The following NKAIN3 variants were observed in gnomAD, a reference collection of about 807,000 sequenced individuals.
The protein encoded by NKAIN3 is sodium/potassium transporting ATPase interacting 3, also known as sodium/potassium-transporting ATPase subunit beta-1-interacting protein 3.
In NKAIN3, 25 loss-of-function variants were observed where a neutral mutation model predicts 30.2. That is an observed-to-expected ratio of 0.83 (90% confidence interval 0.60 to 1.16). The LOEUF (loss-of-function observed/expected upper bound fraction) is 1.16, where lower values mean the gene tolerates loss of function less well. Ranked by LOEUF, NKAIN3 falls within the 50% of genes most tolerant of loss-of-function variation. NKAIN3 has a pLI of 0.00. For missense variants in NKAIN3, 225 were observed against 254.1 expected, an observed-to-expected ratio of 0.89 and a Z score of 0.78; for synonymous variants, 91 against 89.6, an observed-to-expected ratio of 1.02 and a Z score of -0.09.
intron 1 of NKAIN3, among the ~76,000 whole-genome samples, chr8:62,293,140 T>C (rs541914974): frequency 9.8e-5 from 15 of 152,338 alleles, no homozygotes; most frequent in African/African-American, 3.6e-4. Flanking sequence ...TCTAATCTTT[T>C]TTCAAGGTTT....
chr8:62,344,129 C>T (rs1815845434), intron 1 of NKAIN3, among the ~76,000 whole-genome samples: 1 of 151,900 alleles, frequency 6.6e-6, no homozygotes, highest in South Asian at 2.1e-4. Flanking sequence ...GTTATTGTGG[C>T]TTCTGGGGCA....
At chr8:62,701,219 C>T (rs1175008129) in intron 3 of NKAIN3, among the ~76,000 whole-genome samples, 3 of 152,116 alleles carry the variant, frequency 2.0e-5, no homozygotes, top group Non-Finnish European at 2.9e-5. Flanking sequence ...TAGGATTTGG[C>T]CATCTGGGCA....
intron 1 of NKAIN3, among the ~76,000 whole-genome samples, chr8:62,335,715 A>G (rs560528744): frequency 2.6e-5 from 4 of 152,170 alleles, no homozygotes; most frequent in East Asian, 3.9e-4. Flanking sequence ...GCAGGTCACT[A>G]GATCCTTAAC....
chr8:62,997,780 G>T (rs1054419173), intron 5 of NKAIN3, among the ~76,000 whole-genome samples: 1 of 151,164 alleles, frequency 6.6e-6, no homozygotes, highest in Non-Finnish European at 1.5e-5. Context: ...AAGAGGAGGA[G>T]GAGGAACAAT....
At chr8:62,747,892 C>T (rs532211354) in intron 4 of NKAIN3, among the ~76,000 whole-genome samples, 2 of 152,174 alleles carry the variant, frequency 1.3e-5, no homozygotes, top group African/African-American at 2.4e-5. Context: ...TTCTGTTCAA[C>T]TGAGCTTAGC....
intron 4 of NKAIN3, among the ~76,000 whole-genome samples, chr8:62,897,879 G>T (rs1821482715): frequency 1.3e-5 from 2 of 152,134 alleles, no homozygotes; most frequent in Non-Finnish European, 1.5e-5. Flanking sequence ...GACACAAGTT[G>T]ACGCAGCCTA....
intron 4 of NKAIN3, among the ~76,000 whole-genome samples, chr8:62,832,013 C>T (rs1429050972): frequency 6.6e-6 from 1 of 151,964 alleles, no homozygotes; most frequent in Non-Finnish European, 1.5e-5. Flanking sequence ...AGGCTAAAAG[C>T]AGACATCTCA....
chr8:62,596,907 T>G (rs1034715049), intron 3 of NKAIN3, among the ~76,000 whole-genome samples: 1 of 152,118 alleles, frequency 6.6e-6, no homozygotes, highest in African/African-American at 2.4e-5. Context: ...GTTACAGCAC[T>G]GGCCCTTCAA....
intron 4 of NKAIN3, among the ~76,000 whole-genome samples, chr8:62,755,264 C>T (rs1816413315): frequency 6.6e-6 from 1 of 152,186 alleles, no homozygotes; most frequent in Non-Finnish European, 1.5e-5. Context: ...AAGAGGACTT[C>T]TCCTTGCAAC....
chr8:62,384,601 T>C (rs988794140), intron 1 of NKAIN3, among the ~76,000 whole-genome samples: 2 of 152,142 alleles, frequency 1.3e-5, no homozygotes, highest in African/African-American at 4.8e-5. Flanking sequence ...AAAATATGCA[T>C]GTAGGAGGAC....
chr8:62,514,747 A>G (rs1807928349), intron 1 of NKAIN3, among the ~76,000 whole-genome samples: 1 of 152,120 alleles, frequency 6.6e-6, no homozygotes, highest in Non-Finnish European at 1.5e-5. Flanking sequence ...CCTAAAAGCA[A>G]AAGATGGATA....
At chr8:62,261,866 T>C (rs1441714932) in intron 1 of NKAIN3, among the ~76,000 whole-genome samples, 2 of 152,218 alleles carry the variant, frequency 1.3e-5, no homozygotes, top group South Asian at 2.1e-4. Flanking sequence ...CAGATATTAA[T>C]ATATTCTCTT....
At chr8:62,555,011 TACACACACACACACACACACACAC>T (rs59610407) in intron 1 of NKAIN3, among the ~76,000 whole-genome samples, 49 of 145,034 alleles carry the variant, frequency 3.4e-4, no homozygotes, top group African/African-American at 1.1e-3. Context: ...GCAGAATCTA[TACACACACACACACACACACACAC>T]ACACACACAC....
At chr8:62,777,689 G>T (rs901832678) in intron 4 of NKAIN3, among the ~76,000 whole-genome samples, 2 of 152,032 alleles carry the variant, frequency 1.3e-5, no homozygotes, top group Non-Finnish European at 2.9e-5. Context: ...TCCATGATTG[G>T]TTCCTGGTGC....
At position 62,329,765 on chromosome 8, in the gene NKAIN3, C is replaced by T. The variant is rs113008377; in HGVS notation, c.54+80638C>T. Among the ~76,000 whole-genome samples, 1,236 of 152,182 alleles carry T rather than the reference C, an allele frequency of 8.1e-3. 24 individuals carry two copies. The highest frequency in any genetic ancestry group is 0.028 in the African/African-American group (1,167 of 41,548). ...TTGATGGACACTTAGGTTGATTTCACGTCCTTACTATTGTTAATAGCACTG... is the reference window on the plus strand; with the variant it reads ...TTGATGGACACTTAGGTTGATTTCATGTCCTTACTATTGTTAATAGCACTG... On this transcript the variant is annotated intron_variant, in intron 1 of 6. Transcript: ENST00000623646.
chr8:62,954,612 C>G (rs1328958541), intron 6 of NKAIN3, among the ~76,000 whole-genome samples: 1 of 152,064 alleles, frequency 6.6e-6, no homozygotes, highest in African/African-American at 2.4e-5. Context: ...CTTAAGTCAC[C>G]TAATTAATAA....
At chr8:62,368,584 C>T (rs1010193590) in intron 1 of NKAIN3, among the ~76,000 whole-genome samples, 1 of 152,030 alleles carries the variant, frequency 6.6e-6, no homozygotes, top group African/African-American at 2.4e-5. Flanking sequence ...TGAAGGGGGG[C>T]TTCTCCGGAA....
intron 1 of NKAIN3, among the ~76,000 whole-genome samples, chr8:62,325,290 A>G (rs931940293): frequency 6.6e-6 from 1 of 152,042 alleles, no homozygotes; most frequent in Non-Finnish European, 1.5e-5. Flanking sequence ...CTCCATCCAC[A>G]TTGCTACAAG....
intron 1 of NKAIN3, among the ~76,000 whole-genome samples, chr8:62,549,506 G>C (rs189895211): frequency 1.3e-5 from 2 of 152,046 alleles, no homozygotes; most frequent in Non-Finnish European, 2.9e-5. Flanking sequence ...CCAGCTAGTG[G>C]CTGATAGGAT....
Sources: allele counts gnomAD v4.1 joint callset (sites outside exome capture counted in the v4.1 genomes callset), GRCh38; gene constraint gnomAD v4.1.1; transcripts MANE v1.5; gene names NCBI Gene and HGNC (gene_info 2026-07-23, HGNC 2026-07-21).